IST1: variants seen among roughly 807,000 people sequenced by gnomAD.
IST1 encodes the protein IST1 factor associated with ESCRT-III, also known as IST1 homolog.
Under a neutral mutation model 37.0 loss-of-function variants are expected in IST1, and 23 were observed. That is an observed-to-expected ratio of 0.62 (90% CI 0.45 to 0.88). The LOEUF is 0.88. Ranked by LOEUF, IST1 falls within the 40% of genes least tolerant of loss-of-function variation. The pLI is 0.00. For synonymous variants in IST1, 180 were observed against 161.7 expected (o/e 1.11, Z -0.86); for missense variants, 488 against 445.4 (o/e 1.10, Z -0.86).
intron 8 of IST1, chr16:71,924,172 A>G (rs1335661045): frequency 4.4e-6 from 2 of 455,920 alleles, no homozygotes; most frequent in African/African-American, 4.0e-5. Flanking sequence ...GTTGGTAGGA[A>G]TGAGGTCGAA....
chr16:71,930,039 T>G lies in IST1; in HGVS notation c.*2226T>G. On this transcript the variant is annotated 3_prime_UTR_variant, in exon 10 of 10. Transcript: ENST00000378799. ...GATATAACAGCATGCTAGTTTATCTTTTAGTTACCTACCTTAAGCGACTTT... is the reference window on the plus strand; with the variant it reads ...GATATAACAGCATGCTAGTTTATCTGTTAGTTACCTACCTTAAGCGACTTT... The G allele has an allele frequency of 6.5e-7, 1 of 1,544,828 alleles. No individual in the cohort carries two copies. The highest frequency in any genetic ancestry group is 8.7e-7 in the Non-Finnish European group (1 of 1,144,548).
chr16:71,908,940 C>T (rs1275408246), intron 1 of IST1, among the ~76,000 whole-genome samples: 2 of 152,108 alleles, frequency 1.3e-5, no homozygotes, highest in East Asian at 3.8e-4. Flanking sequence ...TCAGGTTTTA[C>T]AGCTTCATTC....
At chr16:71,911,215 T>C (rs1453292235) in intron 1 of IST1, among the ~76,000 whole-genome samples, 3 of 152,150 alleles carry the variant, frequency 2.0e-5, no homozygotes, top group Non-Finnish European at 4.4e-5. Context: ...CACTCCAGCC[T>C]GGGTGAGAGT....
In IST1 at chr16:71,929,468, T is replaced by G. The variant is rs1223296832; in HGVS notation, c.*1655T>G. On this transcript the variant is annotated 3_prime_UTR_variant, in exon 10 of 10. Transcript: ENST00000378799. ...TTAAAAACAAAGTATATTATAATTTTAAAGCTATGCCATGCAAAGATAAGT... is the reference window on the plus strand; with the variant it reads ...TTAAAAACAAAGTATATTATAATTTGAAAGCTATGCCATGCAAAGATAAGT... 5 of 1,382,580 alleles carry G rather than the reference T, an allele frequency of 3.6e-6. No individual in the cohort carries two copies. The East Asian group carries it at 1.3e-4, about 35-fold the overall frequency. 85.6% of individuals were successfully genotyped at this position (1,382,580 alleles called of 1,614,324 possible).
chr16:71,925,548 T>C, intron 9 of IST1, among the ~76,000 whole-genome samples: 1 of 150,398 alleles, frequency 6.6e-6, no homozygotes, highest in East Asian at 2.0e-4. Context: ...ACTCCTGACC[T>C]TGTGATCCGC....
At chr16:71,895,457 A>G, upstream of IST1, 1 of 922,494 alleles carries the variant, frequency 1.1e-6, no homozygotes, top group Non-Finnish European at 1.3e-6. Context: ...AATCCCTGGA[A>G]AGGAGGGCGT....
At chr16:71,919,959 T>C (rs1056567132) in intron 4 of IST1, among the ~76,000 whole-genome samples, 3 of 152,194 alleles carry the variant, frequency 2.0e-5, no homozygotes, top group Non-Finnish European at 4.4e-5. Flanking sequence ...GGGTGCTCCT[T>C]GCAGATGGAA....
chr16:71,895,025 C>G (rs748305966), upstream of IST1: 5 of 522,470 alleles, frequency 9.6e-6, no homozygotes, highest in Non-Finnish European at 1.7e-5. Context: ...GCTTAGAGCC[C>G]GTAGAGGGAC....
chr16:71,906,802 A>T (rs1407456624), intron 1 of IST1, among the ~76,000 whole-genome samples: 1 of 152,128 alleles, frequency 6.6e-6, no homozygotes, highest in Non-Finnish European at 1.5e-5. Flanking sequence ...TCTGAAGTGA[A>T]ATCTACAGTC....
chr16:71,904,315 G>A (rs985243216), intron 1 of IST1, among the ~76,000 whole-genome samples: 1 of 152,150 alleles, frequency 6.6e-6, no homozygotes, highest in African/African-American at 2.4e-5. Flanking sequence ...TAGAGATGGG[G>A]TTTCGTCATG....
At position 71,930,242 on chromosome 16, in the gene IST1, A is replaced by T. The variant is rs1045630132; in HGVS notation, c.*2429A>T. 6.8e-6 allele frequency: 10 copies of T among 1,465,482 alleles called. No individual in the cohort carries two copies. The highest frequency in any genetic ancestry group is 5.1e-5 in the Admixed American group (2 of 39,146). The allele number at this position is 1,465,482 out of a possible 1,614,324, so 90.8% of individuals were successfully genotyped here. A position where few individuals can be genotyped will look rare whatever the true frequency, so the allele number is the denominator to read the frequency against. ...ACAATTTAGTTTATACTTTACAAAC[A>T]TAAGCTATATGCTAGTGTTTGGGAT... On this transcript the variant is annotated 3_prime_UTR_variant, in exon 10 of 10. Transcript: ENST00000378799.
In IST1 at chr16:71,907,379, G is replaced by A. The variant is rs376812817; in HGVS notation, c.-15-8247G>A. ...TGCAAGCTTCGCCTCCTGGGTTCATGCCATTCTCCTGCCTCAGCCTCCCGA... is the reference window on the plus strand; with the variant it reads ...TGCAAGCTTCGCCTCCTGGGTTCATACCATTCTCCTGCCTCAGCCTCCCGA... On this transcript the variant is annotated intron_variant, in intron 1 of 9. Coordinates refer to ENST00000378799, the MANE Select transcript of IST1 (RefSeq NM_001270975.2). Among the ~76,000 whole-genome samples the A allele has an allele frequency of 1.9e-3, 280 of 151,268 alleles. 13 individuals are homozygous for A. The South Asian group carries it at 0.057, about 31-fold the overall frequency.
At chr16:71,894,734 C>A, upstream of IST1, 11 of 566,484 alleles carry the variant, frequency 1.9e-5, no homozygotes, top group Non-Finnish European at 3.2e-5. Flanking sequence ...TGCGGTTTCA[C>A]TATGGTGTCC....
upstream of IST1, chr16:71,894,838 G>C (rs1435148830): frequency 2.6e-6 from 4 of 1,534,366 alleles, 1 homozygote; most frequent in East Asian, 4.9e-5. Flanking sequence ...AGCGATAATG[G>C]TTTTCAAGTT....
chr16:71,918,858 C>G lies in IST1; in HGVS notation c.357+1724C>G, dbSNP rs577507524. Among the ~76,000 whole-genome samples the G allele has an allele frequency of 5.9e-5, 9 of 152,246 alleles. No homozygotes were observed. In the South Asian group the frequency reaches 1.9e-3, roughly 32 times the overall value. ...TAGTATAAACCAGCCAAAACAAAAA[C>G]CATAAAAGACAAATGCCATTTATAT... is the stretch of plus-strand genomic sequence containing the variant. On this transcript the variant is annotated intron_variant, in intron 4 of 9. Transcript: ENST00000378799.
At chr16:71,922,703 G>A (rs1170138101) in intron 7 of IST1, 23 bp downstream of exon 7, 1 of 1,567,890 alleles carries the variant, frequency 6.4e-7, no homozygotes, top group Non-Finnish European at 8.7e-7. Flanking sequence ...AAGTGTGGAT[G>A]TAAGCTTTAG....
At chr16:71,925,319 T>G (rs2037715481) in intron 9 of IST1, among the ~76,000 whole-genome samples, 1 of 141,034 alleles carries the variant, frequency 7.1e-6, no homozygotes, top group African/African-American at 2.7e-5. Flanking sequence ...CCAGCTGATT[T>G]TTTTTTTTTT....
intron 4 of IST1, among the ~76,000 whole-genome samples, chr16:71,918,829 T>C (rs958886628): frequency 6.6e-5 from 10 of 152,214 alleles, no homozygotes; most frequent in African/African-American, 9.6e-5. Context: ...AAAAAATCTC[T>C]GTGTAGTATA....
chr16:71,915,569 TTAG>T, intron 1 of IST1, 54 bp from the exon 2 acceptor site: 1 of 1,174,890 alleles, frequency 8.5e-7, no homozygotes, highest in South Asian at 1.3e-5. Context: ...CTAAGAGGTG[TTAG>T]TTCCTGAACT....
Sources: allele counts gnomAD v4.1 joint callset (sites outside exome capture counted in the v4.1 genomes callset), GRCh38; gene constraint gnomAD v4.1.1; transcripts MANE v1.5; gene names NCBI Gene and HGNC (gene_info 2026-07-23, HGNC 2026-07-21).